TAF2: variants seen among roughly 807,000 people sequenced by gnomAD.
TAF2 encodes TATA-box binding protein associated factor 2, also known as transcription initiation factor TFIID subunit 2.
TAF2 carries 61 observed loss-of-function variants against 138.5 expected under a neutral mutation model. That is an observed-to-expected ratio of 0.44 (90% CI 0.36 to 0.54). The LOEUF (loss-of-function observed/expected upper bound fraction) is 0.54, where lower values mean the gene tolerates loss of function less well. Ranked by LOEUF, TAF2 falls within the 20% of genes least tolerant of loss-of-function variation. The pLI, the probability that TAF2 is intolerant of heterozygous loss-of-function variation, is 0.00. For missense variants in TAF2, 1,090 were observed against 1,427.9 expected, an observed-to-expected ratio of 0.76 and a Z score of 3.81; for synonymous variants, 475 against 469.9, an observed-to-expected ratio of 1.01 and a Z score of -0.14.
intron 18 of TAF2, among the ~76,000 whole-genome samples, chr8:119,764,539 C>T (rs546670269): frequency 6.6e-6 from 1 of 152,132 alleles, no homozygotes; most frequent in Non-Finnish European, 1.5e-5. Flanking sequence ...AAAAACATTA[C>T]CACACAAATG....
chr8:119,750,606 TTCC>T (rs1455809662), intron 22 of TAF2, among the ~76,000 whole-genome samples: 1 of 152,192 alleles, frequency 6.6e-6, no homozygotes, highest in East Asian at 1.9e-4. Flanking sequence ...TATATATAAT[TTCC>T]TAAGCAGATG....
At chr8:119,815,345 G>A (rs1220911646) in intron 3 of TAF2, among the ~76,000 whole-genome samples, 1 of 150,876 alleles carries the variant, frequency 6.6e-6, no homozygotes, top group Admixed American at 6.6e-5. Context: ...CTGGATCTCT[G>A]CTCACTGCAA....
At chr8:119,794,503 CAT>C (rs1458126329) in intron 9 of TAF2, among the ~76,000 whole-genome samples, 1 of 152,086 alleles carries the variant, frequency 6.6e-6, no homozygotes, top group African/African-American at 2.4e-5. Flanking sequence ...TGGCAAACAG[CAT>C]AGAGAAGAAA....
intron 25 of TAF2, among the ~76,000 whole-genome samples, chr8:119,741,282 G>A (rs991365112): frequency 4.6e-5 from 7 of 151,974 alleles, no homozygotes; most frequent in Non-Finnish European, 8.8e-5. Context: ...TTAGACTCTC[G>A]GAAATTTAGA....
intron 5 of TAF2, among the ~76,000 whole-genome samples, chr8:119,802,942 T>C (rs1311145725): frequency 6.6e-6 from 1 of 152,000 alleles, no homozygotes; most frequent in Non-Finnish European, 1.5e-5. Context: ...CGAAACCTGA[T>C]CTCTACTAAA....
intron 2 of TAF2, among the ~76,000 whole-genome samples, chr8:119,819,989 A>G (rs989218642): frequency 6.6e-6 from 1 of 152,176 alleles, no homozygotes; most frequent in Non-Finnish European, 1.5e-5. Context: ...AGAGCTACAA[A>G]AGATACCAAG....
intron 15 of TAF2, among the ~76,000 whole-genome samples, chr8:119,784,991 A>C (rs1034214338): frequency 6.6e-6 from 1 of 152,124 alleles, no homozygotes; most frequent in African/African-American, 2.4e-5. Flanking sequence ...ATTTCCTCTT[A>C]ATTTCACCTA....
At chr8:119,813,804 A>C (rs1009954717) in intron 3 of TAF2, among the ~76,000 whole-genome samples, 26 of 152,044 alleles carry the variant, frequency 1.7e-4, no homozygotes, top group Non-Finnish European at 2.9e-5. Context: ...ATTTAGAAAT[A>C]ATGAAAGGGG....
intron 22 of TAF2, among the ~76,000 whole-genome samples, chr8:119,752,104 G>C (rs571515025): frequency 1.3e-5 from 2 of 152,076 alleles, no homozygotes; most frequent in South Asian, 4.2e-4. Context: ...AGGAAAAGGA[G>C]ATAAAGTAAA....
At chr8:119,815,229 C>T (rs1289692487) in intron 3 of TAF2, among the ~76,000 whole-genome samples, 1 of 150,912 alleles carries the variant, frequency 6.6e-6, no homozygotes, top group Non-Finnish European at 1.5e-5. Context: ...TTGCAGTGAT[C>T]AGAGATTGCA....
rs779241937 is a variant in TAF2, at chr8:119,742,643, A to G, written c.3228T>C (p.Tyr1076=). 21 of 1,613,750 alleles carry G rather than the reference A, an allele frequency of 1.3e-5. No individual in the cohort carries two copies. The African/African-American group carries it at 1.9e-4, about 14-fold the overall frequency. ...ERPSTPGLSK[Y]RPASSRSALI... Reference sequence around the variant, plus strand: ...AAGCAGATCGGGAGCTAGCTGGCCGATATTTCGAGAGCCCTAAAATGCCAA... The same window carrying G: ...AAGCAGATCGGGAGCTAGCTGGCCGGTATTTCGAGAGCCCTAAAATGCCAA... Residue 1076 remains tyrosine (Y), a synonymous_variant, in exon 25 of 26, where the codon TAT becomes TAC. Coordinates refer to ENST00000378164, the MANE Select transcript of TAF2 (RefSeq NM_003184.4).
intron 4 of TAF2, among the ~76,000 whole-genome samples, chr8:119,804,797 G>C (rs1032939038): frequency 3.3e-5 from 5 of 152,030 alleles, no homozygotes; most frequent in African/African-American, 1.2e-4. Flanking sequence ...TTAACCCTGG[G>C]TGACTTTGGG....
At chr8:119,812,168 T>C (rs1240911692) in intron 3 of TAF2, among the ~76,000 whole-genome samples, 3 of 152,116 alleles carry the variant, frequency 2.0e-5, no homozygotes, top group Non-Finnish European at 4.4e-5. Flanking sequence ...AGAAATAACA[T>C]TGATTAGTGA....
chr8:119,746,370 T>C (rs1039162482), intron 23 of TAF2, among the ~76,000 whole-genome samples: 4 of 57,026 alleles, frequency 7.0e-5, no homozygotes, highest in African/African-American at 1.8e-4. Flanking sequence ...TGGAACTCTG[T>C]CTCAAAAAAA....
intron 5 of TAF2, 61 bp from the exon 6 acceptor site, chr8:119,802,086 C>T (rs1824306605): frequency 7.5e-7 from 1 of 1,334,790 alleles, no homozygotes; most frequent in Admixed American, 1.9e-5. Context: ...TTGTTTTCCC[C>T]ACATGCAAGT....
At position 119,803,915 on chromosome 8, in the gene TAF2, C is replaced by A; in HGVS notation, c.523G>T (p.Ala175Ser). Residue 175 changes from alanine (A) to serine (S), a missense_variant, in exon 5 of 26, where the codon GCT (alanine) becomes TCT (serine). By Grantham distance (99) the Ala-to-Ser change is moderately conservative. This residue lies in a region of TAF2 where 504 missense variants were observed against 680.9 expected (regional missense o/e 0.74). Coordinates refer to ENST00000378164, the MANE Select transcript of TAF2 (RefSeq NM_003184.4). ...TGATACCCACAAGAGAAAACATGAG[C>A]ACCTCTCTCTGCCATACTTCCCTCT... ...SVEGSMAERG[A>S]HVFSCGYQNS... 3 of 1,613,896 alleles carry A rather than the reference C, an allele frequency of 1.9e-6. No individual in the cohort carries two copies. The highest frequency in any genetic ancestry group is 1.7e-6 in the Non-Finnish European group (2 of 1,179,922).
At chr8:119,799,178 T>C (rs1311638642) in intron 6 of TAF2, among the ~76,000 whole-genome samples, 1 of 152,210 alleles carries the variant, frequency 6.6e-6, no homozygotes, top group Non-Finnish European at 1.5e-5. Context: ...TTTTTTATTA[T>C]ACTTTAAGTT....
rs750717785 is a variant in TAF2, at chr8:119,797,690, C to A, written c.949G>T (p.Ala317Ser). ...AAAATGCTCATGGAAGCATAAGCAG[C>A]CACTTCAACATAAGCCTCATCAATG... Reference protein sequence around the residue: ...VFIDEAYVEVAAYASMSIFST... With the variant: ...VFIDEAYVEVSAYASMSIFST... Residue 317 changes from alanine to serine, a missense_variant, in exon 7 of 26, where the codon GCT (alanine) becomes TCT (serine). Around this residue, in one of 3 missense-constraint regions of TAF2, gnomAD observed 504 missense variants for 680.9 expected, o/e 0.74. Transcript: ENST00000378164. 1.9e-6 allele frequency: 3 copies of A among 1,613,384 alleles called. No individual in the cohort carries two copies. Among genetic ancestry groups the A allele is most frequent in the East Asian group, 4.5e-5 (2 of 44,788 alleles).
At chr8:119,766,333 G>A (rs1821415343) in intron 18 of TAF2, among the ~76,000 whole-genome samples, 1 of 152,170 alleles carries the variant, frequency 6.6e-6, no homozygotes, top group South Asian at 2.1e-4. Flanking sequence ...CAGGGATACT[G>A]CTAAACATGC....
Sources: gnomAD v4.1 joint callset for allele counts (sites outside exome capture counted in the v4.1 genomes callset) on GRCh38, gnomAD v4.1.1 for gene constraint, gnomAD v4.1.1 regional missense constraint, MANE v1.5 for transcripts, NCBI Gene and HGNC (gene_info 2026-07-23, HGNC 2026-07-21) for gene names.